Variants in FRRS1 observed in about 807,000 individuals in gnomAD.
The protein encoded by FRRS1 is ferric reductase 1.
A neutral mutation model predicts 70.7 loss-of-function variants in FRRS1; 51 were observed. The ratio of observed to expected loss-of-function variants is 0.72; its 90% CI spans 0.58 to 0.91. The LOEUF (loss-of-function observed/expected upper bound fraction) is 0.91. FRRS1 is among the 40% of genes least tolerant of loss of function. FRRS1 has a pLI of 0.00. For missense variants in FRRS1, 672 were observed against 726.0 expected (o/e 0.93, Z 0.86); for synonymous variants, 225 against 238.7 (o/e 0.94, Z 0.53).
chr1:99,736,148 A>T (rs949961038), intron 7 of FRRS1, among the ~76,000 whole-genome samples: 1 of 152,140 alleles, frequency 6.6e-6, no homozygotes, highest in African/African-American at 2.4e-5. Context: ...TTTATTTTCA[A>T]CTCAACCTCA....
At chr1:99,719,990 T>TA (rs752116111) in intron 9 of FRRS1, among the ~76,000 whole-genome samples, 80 of 151,952 alleles carry the variant, frequency 5.3e-4, no homozygotes, top group Non-Finnish European at 3.7e-4. Flanking sequence ...TTGAAAATGT[T>TA]AAAAAAAATA....
In FRRS1 at chr1:99,729,732, T is replaced by A; in HGVS notation, c.776A>T (p.Tyr259Phe). ...AGTCTGATCTTCATGAATACACAGA[T>A]AAGCATCATCATCACCCTGAAAAAC... ...HDQWMGDDDA[Y>F]LCIHEDQTVY... Residue 259 changes from tyrosine to phenylalanine, a missense_variant, in exon 8 of 17, where the codon TAT becomes TTT. Transcript: ENST00000646001. The A allele has an allele frequency of 6.2e-7, 1 of 1,611,098 alleles. No individual in the cohort carries two copies. Among genetic ancestry groups the A allele is most frequent in the Non-Finnish European group, 8.5e-7 (1 of 1,177,552 alleles).
chr1:99,716,834 C>T (rs1654555639), intron 11 of FRRS1, among the ~76,000 whole-genome samples: 1 of 152,112 alleles, frequency 6.6e-6, no homozygotes, highest in Non-Finnish European at 1.5e-5. Context: ...CTCATTGGCT[C>T]TTGCTATATT....
chr1:99,749,501 T>C (rs1425600813), intron 1 of FRRS1, among the ~76,000 whole-genome samples: 1 of 152,230 alleles, frequency 6.6e-6, no homozygotes, highest in Non-Finnish European at 1.5e-5. Flanking sequence ...TCTTCTGGAT[T>C]TAAATATCAT....
intron 5 of FRRS1, among the ~76,000 whole-genome samples, chr1:99,741,861 T>C (rs1655980652): frequency 6.6e-6 from 1 of 152,222 alleles, no homozygotes; most frequent in Non-Finnish European, 1.5e-5. Context: ...TGCTAGGTGA[T>C]AGGTATACAC....
chr1:99,712,968 A>C (rs1654346633), intron 12 of FRRS1, among the ~76,000 whole-genome samples: 1 of 152,212 alleles, frequency 6.6e-6, no homozygotes, highest in African/African-American at 2.4e-5. Flanking sequence ...GATGGCCACC[A>C]ACATCAGAAC....
intron 1 of FRRS1, among the ~76,000 whole-genome samples, chr1:99,755,262 T>TA (rs1656774004): frequency 1.0e-4 from 11 of 104,794 alleles, no homozygotes; most frequent in African/African-American, 3.5e-4. Flanking sequence ...CTCCAAAAAT[T>TA]TAAAAAAAAA....
intron 13 of FRRS1, 62 bp from the exon 14 acceptor site, chr1:99,712,225 A>G: frequency 1.7e-6 from 2 of 1,154,238 alleles, no homozygotes; most frequent in Non-Finnish European, 2.6e-6. Context: ...AATTCCCACT[A>G]GAATAAAAAG....
intron 14 of FRRS1, 54 bp from the exon 15 acceptor site, chr1:99,711,003 A>G: frequency 6.6e-7 from 1 of 1,512,366 alleles, no homozygotes; most frequent in Non-Finnish European, 9.1e-7. Context: ...AAGAGAGACA[A>G]TTGTGTGTTT....
At position 99,705,701 on chromosome 1, in the gene FRRS1, A is replaced by G. The variant is rs1214394356; in HGVS notation, c.*3327T>C. 6.6e-6 allele frequency among the ~76,000 whole-genome samples: 1 copy of G among 152,198 alleles called. No individual in the cohort carries two copies. Among genetic ancestry groups the G allele is most frequent in the Non-Finnish European group, 1.5e-5 (1 of 68,034 alleles). On this transcript the variant is annotated 3_prime_UTR_variant, in exon 17 of 17. Coordinates refer to ENST00000646001, the MANE Select transcript of FRRS1 (RefSeq NM_001361041.2). ...ATTTGATTCATTTACTTGATAACCC[A>G]TACTATAGACTACCTTTGCCCTTAA...
intron 9 of FRRS1, among the ~76,000 whole-genome samples, chr1:99,728,078 G>A (rs1417619818): frequency 6.6e-6 from 1 of 152,172 alleles, no homozygotes; most frequent in African/African-American, 2.4e-5. Context: ...GGTCTAAGGA[G>A]ATGAGATTCA....
intron 11 of FRRS1, 58 bp from the exon 12 acceptor site, chr1:99,715,730 T>C: frequency 8.2e-7 from 1 of 1,224,856 alleles, no homozygotes; most frequent in South Asian, 1.2e-5. Context: ...AAAGGTGGTG[T>C]TGCAACGGGG....
chr1:99,752,934 G>A (rs1656642456), intron 1 of FRRS1, among the ~76,000 whole-genome samples: 1 of 151,836 alleles, frequency 6.6e-6, no homozygotes, highest in African/African-American at 2.4e-5. Context: ...CAAACCCTGG[G>A]CTCAAGGGAA....
intron 9 of FRRS1, 89 bp downstream of exon 9, chr1:99,728,394 TAAAAACGGGC>T (rs1205865535): frequency 8.6e-6 from 9 of 1,040,732 alleles, no homozygotes; most frequent in Non-Finnish European, 1.2e-5. Flanking sequence ...GCGTGTGCCT[TAAAAACGGGC>T]AATTACAGTA....
rs533733526 is a variant in FRRS1, at chr1:99,733,142, C to A, written c.760-3394G>T. 9.9e-5 allele frequency among the ~76,000 whole-genome samples: 15 copies of A among 152,256 alleles called. No individual in the cohort carries two copies. The South Asian group carries it at 3.1e-3, about 32-fold the overall frequency. Reference sequence around the variant, plus strand: ...GGGATTATAGGCATGAGCCACCACGCCCAGCCAAGACGATCTTAAATGTGG... The same window carrying A: ...GGGATTATAGGCATGAGCCACCACGACCAGCCAAGACGATCTTAAATGTGG... On this transcript the variant is annotated intron_variant, in intron 7 of 16. Transcript: ENST00000646001.
chr1:99,708,984 T>C lies in FRRS1; in HGVS notation c.*44A>G. ...CAGGCTTCAAGTTTCTTTGGTTTGA[T>C]GATAATTATCACTTGGCCTGCAAAA... On this transcript the variant is annotated 3_prime_UTR_variant, in exon 17 of 17. Transcript: ENST00000646001. The C allele has an allele frequency of 6.2e-7, 1 of 1,614,094 alleles. No homozygotes were observed. Among genetic ancestry groups the C allele is most frequent in the South Asian group, 1.1e-5 (1 of 91,086 alleles).
intron 1 of FRRS1, among the ~76,000 whole-genome samples, chr1:99,752,338 G>A (rs1213431740): frequency 6.6e-6 from 1 of 152,132 alleles, no homozygotes; most frequent in African/African-American, 2.4e-5. Flanking sequence ...GAAAGTGAAA[G>A]ATATATGACT....
chr1:99,747,276 T>C lies in FRRS1; in HGVS notation c.333+18A>G. 6.2e-7 allele frequency: 1 copy of C among 1,604,044 alleles called. No homozygotes were observed. Among genetic ancestry groups the C allele is most frequent in the African/African-American group, 1.3e-5 (1 of 74,560 alleles). Reference sequence around the variant, plus strand: ...CTGTAACCTCCACATTGTTCAAGGATCAACTCTAAACACAAACCTGTATAT... The same window carrying C: ...CTGTAACCTCCACATTGTTCAAGGACCAACTCTAAACACAAACCTGTATAT... On this transcript the variant is annotated intron_variant, in intron 4 of 16. Coordinates refer to ENST00000646001, the MANE Select transcript of FRRS1 (RefSeq NM_001361041.2).
At chr1:99,748,447 G>A in intron 3 of FRRS1, 126 bp downstream of exon 3, 1 of 796,794 alleles carries the variant, frequency 1.3e-6, no homozygotes, top group Admixed American at 2.4e-5. Context: ...AAAATAAGAA[G>A]TATGATAGTA....
Sources: allele counts gnomAD v4.1 joint callset (sites outside exome capture counted in the v4.1 genomes callset), GRCh38; gene constraint gnomAD v4.1.1; transcripts MANE v1.5; gene names NCBI Gene and HGNC (gene_info 2026-07-23, HGNC 2026-07-21).